Variants in ADH6 observed in about 807,000 individuals in gnomAD.
ADH6 encodes alcohol dehydrogenase 6 (class V), also known as alcohol dehydrogenase 6.
In ADH6, 34 loss-of-function variants were observed where a neutral mutation model predicts 36.5. That is an observed-to-expected ratio of 0.93 (90% CI 0.71 to 1.24). The LOEUF (loss-of-function observed/expected upper bound fraction) is 1.24. ADH6 is among the 50% of genes most tolerant of loss of function. The pLI is 0.00. For missense variants in ADH6, 440 were observed against 447.0 expected (o/e 0.98, Z 0.14); for synonymous variants, 161 against 155.5 (o/e 1.04, Z -0.26).
chr4:99,208,111 G>T (rs866838910), intron 6 of ADH6, among the ~76,000 whole-genome samples: 44 of 152,190 alleles, frequency 2.9e-4, no homozygotes, highest in African/African-American at 1.0e-3. Context: ...TGGGAAAAGG[G>T]CCCAAGTTGG....
chr4:99,218,175 C>A (rs931471809), intron 1 of ADH6, among the ~76,000 whole-genome samples: 1 of 152,102 alleles, frequency 6.6e-6, no homozygotes, highest in Non-Finnish European at 1.5e-5. Context: ...ATGAACATAT[C>A]ATTATTTCTT....
At chr4:99,217,885 G>A (rs1430125798) in intron 1 of ADH6, among the ~76,000 whole-genome samples, 1 of 152,110 alleles carries the variant, frequency 6.6e-6, no homozygotes, top group Non-Finnish European at 1.5e-5. Flanking sequence ...GAGTTATGGA[G>A]CAACGAATGG....
intron 1 of ADH6, among the ~76,000 whole-genome samples, chr4:99,216,670 C>A (rs1731442712): frequency 6.6e-6 from 1 of 151,850 alleles, no homozygotes; most frequent in Non-Finnish European, 1.5e-5. Context: ...CATGGTGAAA[C>A]CCTATCTCTA....
intron 8 of ADH6, 146 bp from the exon 9 acceptor site, chr4:99,204,389 A>C: frequency 1.4e-6 from 2 of 1,418,414 alleles, no homozygotes; most frequent in Non-Finnish European, 1.8e-6. Flanking sequence ...AAGCCATGGG[A>C]AGATTTTTTA....
intron 1 of ADH6, among the ~76,000 whole-genome samples, chr4:99,217,037 ATTTTG>A (rs1459066294): frequency 6.6e-6 from 1 of 151,752 alleles, no homozygotes; most frequent in Non-Finnish European, 1.5e-5. Flanking sequence ...TTTGTACTTT[ATTTTG>A]TTTTTGTTTT....
In ADH6 at chr4:99,216,180, G is replaced by C. The variant is rs1228771160; in HGVS notation, c.101C>G (p.Ala34Gly). 6 of 1,207,964 alleles carry C rather than the reference G, an allele frequency of 5.0e-6. No homozygotes were observed. Among genetic ancestry groups the C allele is most frequent in the Non-Finnish European group, 6.5e-6 (6 of 928,994 alleles). 74.8% of individuals were successfully genotyped at this position (1,207,964 alleles called of 1,614,324 possible). A position where few individuals can be genotyped will look rare whatever the true frequency, so the allele number is the denominator to read the frequency against. The change falls in exon 2 of 9, where the codon GCA becomes GGA. Residue 34 changes from alanine to glycine, a missense_variant. Physicochemically the swap from Ala to Gly is moderately conservative, Grantham distance 60. Transcript: ENST00000394899. Reference sequence around the variant, plus strand: ...TTTTACCTTTATGCGAACTTCCTTTGCCTTTGGTGGGGCCACTTCTACCTC... The same window carrying C: ...TTTTACCTTTATGCGAACTTCCTTTCCCTTTGGTGGGGCCACTTCTACCTC... ...IEEVEVAPPK[A>G]KEVRIKVVAT...
At position 99,202,902 on chromosome 4, in the gene ADH6, A is replaced by G. The variant is rs1730906182; in HGVS notation, c.*1317T>C. ...CCCAAGTCCAGAGTGAATAGGTTTC[A>G]TAGCACCCATCTCCTCTATTTGAAG... On this transcript the variant is annotated 3_prime_UTR_variant, in exon 9 of 9. Coordinates refer to ENST00000394899, the MANE Select transcript of ADH6 (RefSeq NM_001102470.2). 5.0e-6 allele frequency: 2 copies of G among 396,472 alleles called. No homozygotes were observed. Among genetic ancestry groups the G allele is most frequent in the Non-Finnish European group, 8.9e-6 (2 of 224,664 alleles). The allele number at this position is 396,472 out of a possible 1,614,324, so 24.6% of individuals were successfully genotyped here.
chr4:99,204,126 T>G lies in ADH6; in HGVS notation c.*93A>C. On this transcript the variant is annotated 3_prime_UTR_variant, in exon 9 of 9. Coordinates refer to ENST00000394899, the MANE Select transcript of ADH6 (RefSeq NM_001102470.2). The stretch of plus-strand genomic sequence containing the variant: ...CAGAAGTCAGAATATAGAAATGGGA[T>G]TGGGTGAATAATTCTTCTAAATCAT... 2 of 1,429,348 alleles carry G rather than the reference T, an allele frequency of 1.4e-6. No individual in the cohort carries two copies. The highest frequency in any genetic ancestry group is 1.9e-6 in the Non-Finnish European group (2 of 1,044,914). 88.5% of individuals were successfully genotyped at this position (1,429,348 alleles called of 1,614,324 possible).
Position 99,218,437 on chromosome 4 carries a change from G to A in ADH6, c.18+698C>T, listed in dbSNP as rs529982096. On this transcript the variant is annotated intron_variant, in intron 1 of 8. Coordinates refer to ENST00000394899, the MANE Select transcript of ADH6 (RefSeq NM_001102470.2). ...TCTCTTTCTTGCTTTTACCACCTTC[G>A]AAATCACCTTTATACCATTGCCATT... Among the ~76,000 whole-genome samples, 12 of 152,134 alleles carry A rather than the reference G, an allele frequency of 7.9e-5. No homozygotes were observed. In the South Asian group the frequency reaches 1.0e-3, roughly 13 times the overall value.
chr4:99,208,543 T>C, intron 6 of ADH6, 125 bp downstream of exon 6: 4 of 1,093,304 alleles, frequency 3.7e-6, no homozygotes, highest in Non-Finnish European at 5.3e-6. Context: ...CCAGCTGAGA[T>C]GTCATGGAAC....
At position 99,210,186 on chromosome 4, in the gene ADH6, C is replaced by T. The variant is rs1274691731; in HGVS notation, c.463G>A (p.Glu155Lys). 1.2e-6 allele frequency: 2 copies of T among 1,613,774 alleles called. No homozygotes were observed. The highest frequency in any genetic ancestry group is 2.2e-5 in the South Asian group (2 of 91,074). The change falls in exon 5 of 9, where the codon GAA (glutamate) becomes AAA (lysine). Residue 155 changes from glutamate to lysine, a missense_variant. Physicochemically the swap from Glu to Lys is moderately conservative, Grantham distance 56 (BLOSUM62 1). Coordinates refer to ENST00000394899, the MANE Select transcript of ADH6 (RefSeq NM_001102470.2). ...GCATCAATCTTGGCAACTGAGATTT[C>T]CTTTATCACTGTGTATTCACAGAAG... ...STFCEYTVIK[E>K]ISVAKIDAVA...
chr4:99,207,392 A>G (rs926136519), intron 7 of ADH6, 54 bp downstream of exon 7: 1 of 1,604,036 alleles, frequency 6.2e-7, no homozygotes, highest in Non-Finnish European at 8.5e-7. Context: ...ACATTTTTCT[A>G]TTTCCCACCT....
At chr4:99,207,672 G>T in intron 6 of ADH6, 91 bp from the exon 7 acceptor site, 1 of 1,324,084 alleles carries the variant, frequency 7.6e-7, no homozygotes, top group Non-Finnish European at 1.0e-6. Context: ...CTCCTAAATG[G>T]TCTATGACTT....
chr4:99,212,076 G>T (rs1731243773), intron 3 of ADH6, among the ~76,000 whole-genome samples: 1 of 152,078 alleles, frequency 6.6e-6, no homozygotes, highest in South Asian at 2.1e-4. Flanking sequence ...GTTTTAAACT[G>T]TTATATTTGT....
In ADH6 at chr4:99,204,190, C is replaced by A; in HGVS notation, c.*29G>T. 6.3e-7 allele frequency: 1 copy of A among 1,588,880 alleles called. No individual in the cohort carries two copies. The highest frequency in any genetic ancestry group is 8.5e-7 in the Non-Finnish European group (1 of 1,171,386). ...AATGCCATTGAGTTGGTGAAATATC[C>A]TTTGGGTCTTGCATGTATTACATTG... is the stretch of plus-strand genomic sequence containing the variant. On this transcript the variant is annotated 3_prime_UTR_variant, in exon 9 of 9. Coordinates refer to ENST00000394899, the MANE Select transcript of ADH6 (RefSeq NM_001102470.2).
intron 1 of ADH6, among the ~76,000 whole-genome samples, chr4:99,217,597 AT>A (rs1487042440): frequency 6.6e-6 from 1 of 152,118 alleles, no homozygotes; most frequent in Non-Finnish European, 1.5e-5. Flanking sequence ...TATGTACCGC[AT>A]TTTGTTTATC....
chr4:99,216,229 G>C lies in ADH6; in HGVS notation c.52C>G (p.Pro18Ala). The C allele has an allele frequency of 6.3e-7, 1 of 1,585,384 alleles. No homozygotes were observed. The highest frequency in any genetic ancestry group is 8.6e-7 in the Non-Finnish European group (1 of 1,166,554). The change falls in exon 2 of 9, where the codon CCT (proline) becomes GCT (alanine). Residue 18 changes from proline (P) to alanine (A), a missense_variant. Coordinates refer to ENST00000394899, the MANE Select transcript of ADH6 (RefSeq NM_001102470.2). ...IRCKAAILWK[P>A]GAPFSIEEVE... The stretch of plus-strand genomic sequence containing the variant: ...TCTTCAATAGAAAATGGTGCACCAG[G>C]CTTCCAGAGTATGGCTGCTTTGCAT...
At chr4:99,204,534 T>A in intron 8 of ADH6, 1 of 1,245,808 alleles carries the variant, frequency 8.0e-7, no homozygotes, top group Non-Finnish European at 1.0e-6. Flanking sequence ...ATCCTATGAA[T>A]AATTCCTCTT....
At chr4:99,213,376 C>T (rs2110552939) in intron 3 of ADH6, among the ~76,000 whole-genome samples, 1 of 152,224 alleles carries the variant, frequency 6.6e-6, no homozygotes, top group African/African-American at 2.4e-5. Context: ...AGTCCAGTTT[C>T]AGTGCATTCT....
Sources: allele counts gnomAD v4.1 joint callset (sites outside exome capture counted in the v4.1 genomes callset), GRCh38; gene constraint gnomAD v4.1.1; transcripts MANE v1.5; gene names NCBI Gene and HGNC (gene_info 2026-07-23, HGNC 2026-07-21).